The following ZNF385D variants were observed in gnomAD, a reference collection of about 807,000 sequenced individuals.
ZNF385D encodes zinc finger protein 385D.
Under a neutral mutation model 35.8 loss-of-function variants are expected in ZNF385D, and 15 were observed. That is an observed-to-expected ratio of 0.42 (90% CI 0.28 to 0.64). The LOEUF (loss-of-function observed/expected upper bound fraction) is 0.64, where lower values mean the gene tolerates loss of function less well. ZNF385D is among the 30% of genes least tolerant of loss of function. The pLI, the probability that ZNF385D is intolerant of heterozygous loss-of-function variation, is 0.23. For missense variants in ZNF385D, 474 were observed against 494.6 expected (o/e 0.96, Z 0.39); for synonymous variants, 212 against 186.8 (o/e 1.13, Z -1.10).
intron 2 of ZNF385D, among the ~76,000 whole-genome samples, chr3:22,320,914 C>T (rs1694380068): frequency 6.6e-6 from 1 of 151,468 alleles, no homozygotes; most frequent in East Asian, 1.9e-4. Context: ...TTTTTAATTG[C>T]TTAGATGATT....
At chr3:21,443,691 C>T (rs1473759273) in intron 4 of ZNF385D, among the ~76,000 whole-genome samples, 1 of 152,144 alleles carries the variant, frequency 6.6e-6, no homozygotes, top group Non-Finnish European at 1.5e-5. Context: ...ATATACTTTT[C>T]ATCAAGTGAC....
At chr3:21,796,312 A>G (rs1357481873) in intron 3 of ZNF385D, among the ~76,000 whole-genome samples, 1 of 152,202 alleles carries the variant, frequency 6.6e-6, no homozygotes, top group Non-Finnish European at 1.5e-5. Flanking sequence ...TTATCCTTAT[A>G]CTAAAACCCA....
At chr3:21,602,081 G>C (rs759786698) in intron 2 of ZNF385D, among the ~76,000 whole-genome samples, 6 of 152,132 alleles carry the variant, frequency 3.9e-5, no homozygotes, top group Non-Finnish European at 7.3e-5. Flanking sequence ...GGTGAAGGGG[G>C]AGCAAAGGCA....
At chr3:21,752,651 G>C (rs576552662), upstream of ZNF385D, among the ~76,000 whole-genome samples, 1 of 152,030 alleles carries the variant, frequency 6.6e-6, no homozygotes, top group Admixed American at 6.5e-5. Flanking sequence ...ATATAAATCA[G>C]AAACATCACA....
chr3:22,234,019 A>C (rs902443322), intron 2 of ZNF385D, among the ~76,000 whole-genome samples: 1 of 152,122 alleles, frequency 6.6e-6, no homozygotes. Flanking sequence ...AATCTACTCT[A>C]CTATCTGAAG....
chr3:21,846,871 A>G (rs957706304), intron 3 of ZNF385D, among the ~76,000 whole-genome samples: 2 of 152,012 alleles, frequency 1.3e-5, no homozygotes, highest in Admixed American at 6.6e-5. Flanking sequence ...AAAATATAGT[A>G]TCTGTCCTTG....
At chr3:21,880,894 TAGA>T (rs1453304807) in intron 3 of ZNF385D, among the ~76,000 whole-genome samples, 1 of 151,724 alleles carries the variant, frequency 6.6e-6, no homozygotes, top group African/African-American at 2.4e-5. Context: ...GTGGTCTGGA[TAGA>T]AGATTAAACA....
chr3:22,327,152 C>A (rs112374796), intron 2 of ZNF385D, among the ~76,000 whole-genome samples: 3,519 of 152,060 alleles, frequency 0.023, 93 homozygotes, highest in African/African-American at 0.071. Context: ...TTTTTTTAAT[C>A]TCACCCTACC....
At chr3:21,518,709 A>G (rs1707730495) in intron 3 of ZNF385D, among the ~76,000 whole-genome samples, 1 of 152,164 alleles carries the variant, frequency 6.6e-6, no homozygotes, top group Non-Finnish European at 1.5e-5. Flanking sequence ...GCAAACAGAA[A>G]TCATGTTGGT....
chr3:21,586,176 A>C (rs1039687500), intron 2 of ZNF385D, among the ~76,000 whole-genome samples: 4 of 152,264 alleles, frequency 2.6e-5, no homozygotes, highest in Admixed American at 2.6e-4. Context: ...ACTGCATTCC[A>C]GCCTGGGTGA....
intron 2 of ZNF385D, among the ~76,000 whole-genome samples, chr3:22,367,950 C>G (rs13091831): frequency 6.6e-6 from 1 of 152,088 alleles, no homozygotes; most frequent in African/African-American, 2.4e-5. Context: ...GGTCTAATGA[C>G]GAATCAAGGC....
chr3:21,453,848 G>T (rs1702616749), intron 4 of ZNF385D, among the ~76,000 whole-genome samples: 1 of 151,882 alleles, frequency 6.6e-6, no homozygotes, highest in South Asian at 2.1e-4. Flanking sequence ...CCCAGAGATT[G>T]TCCTAAATAT....
intron 3 of ZNF385D, among the ~76,000 whole-genome samples, chr3:21,848,365 A>C (rs1348174125): frequency 5.3e-5 from 8 of 151,964 alleles, no homozygotes; most frequent in African/African-American, 1.9e-4. Flanking sequence ...AAATATTTAG[A>C]AATAGGATTT....
At chr3:21,930,448 C>A (rs77819710) in intron 3 of ZNF385D, among the ~76,000 whole-genome samples, 2 of 152,012 alleles carry the variant, frequency 1.3e-5, no homozygotes, top group Non-Finnish European at 2.9e-5. Flanking sequence ...CTGGACTTCA[C>A]TCTAATTTCA....
chr3:21,806,310 T>C (rs968294889), intron 3 of ZNF385D, among the ~76,000 whole-genome samples: 1 of 151,974 alleles, frequency 6.6e-6, no homozygotes, highest in African/African-American at 2.4e-5. Context: ...GTTCACGCCA[T>C]TCTACTGCCT....
intron 2 of ZNF385D, among the ~76,000 whole-genome samples, chr3:22,296,199 A>T (rs1054675438): frequency 6.6e-6 from 1 of 152,194 alleles, no homozygotes; most frequent in Non-Finnish European, 1.5e-5. Flanking sequence ...TACTACCCTC[A>T]AAACTTATGG....
At chr3:21,565,815 G>A (rs1446518955) in intron 2 of ZNF385D, among the ~76,000 whole-genome samples, 1 of 152,134 alleles carries the variant, frequency 6.6e-6, no homozygotes, top group Admixed American at 6.5e-5. Flanking sequence ...CTTCATAATA[G>A]ATTGAGATAG....
At chr3:21,627,784 A>G (rs2065175682) in intron 2 of ZNF385D, among the ~76,000 whole-genome samples, 2 of 152,058 alleles carry the variant, frequency 1.3e-5, no homozygotes, top group African/African-American at 4.8e-5. Flanking sequence ...AGTGGAAGGA[A>G]ATTTTCTATT....
intron 2 of ZNF385D, among the ~76,000 whole-genome samples, chr3:22,316,363 T>C (rs1703884836): frequency 6.6e-6 from 1 of 152,244 alleles, no homozygotes; most frequent in Admixed American, 6.5e-5. Context: ...TTTGGGTTTA[T>C]CTGTGTGGCA....
Sources: allele counts gnomAD v4.1 joint callset (sites outside exome capture counted in the v4.1 genomes callset), GRCh38; gene constraint gnomAD v4.1.1; transcripts MANE v1.5; gene names NCBI Gene and HGNC (gene_info 2026-07-23, HGNC 2026-07-21).